PIGQ: variants seen among roughly 807,000 people sequenced by gnomAD.
PIGQ encodes phosphatidylinositol glycan anchor biosynthesis class Q, also known as phosphatidylinositol N-acetylglucosaminyltransferase subunit Q.
In PIGQ, 54 loss-of-function variants were observed where a neutral mutation model predicts 60.3. The observed-to-expected ratio is 0.90, with a 90% CI of 0.72 to 1.12. PIGQ has a LOEUF of 1.12. Among genes scored for constraint, PIGQ ranks in the 50% most tolerant of loss-of-function variants. The pLI is 0.00. For synonymous variants in PIGQ, 416 were observed against 363.7 expected (o/e 1.14, Z -1.64); for missense variants, 799 against 793.5 (o/e 1.01, Z -0.08).
intron 2 of PIGQ, 47 bp from the exon 3 acceptor site, chr16:575,792 A>T (rs2035705961): frequency 6.5e-7 from 1 of 1,536,928 alleles, no homozygotes; most frequent in East Asian, 2.4e-5. Flanking sequence ...GGACGGTGGG[A>T]GGAGGATCTG....
rs752541286 is a variant in PIGQ at position 580,970 on chromosome 16, C to A, written c.1529C>A (p.Ala510Glu). The A allele has an allele frequency of 3.0e-5, 48 of 1,597,626 alleles. No homozygotes were observed. Among genetic ancestry groups the A allele is most frequent in the Non-Finnish European group, 3.5e-5 (41 of 1,166,894 alleles). ...GLRLCRPYRL[A>E]AGVKFRVLRH... ...CGGCTCTGCCGGCCCTACAGGCTGG[C>A]GGGTAAGTGCTGCGTATTGGGCAGC... The change falls in exon 9 of 11, where the codon GCG (alanine) becomes GAG (glutamate). Residue 510 changes from alanine to glutamate, a missense_variant and splice_region_variant. Ala to Glu is a moderately radical substitution (Grantham distance 107). Transcript: ENST00000321878.
At chr16:579,965 G>A (rs1023602846) in intron 7 of PIGQ, 4 of 456,002 alleles carry the variant, frequency 8.8e-6, no homozygotes, top group Non-Finnish European at 1.6e-5. Flanking sequence ...GTCTTGGGTG[G>A]TCTGGCCCCC....
chr16:581,053 C>T (rs2035802332), intron 9 of PIGQ, 81 bp downstream of exon 9: 1 of 1,319,474 alleles, frequency 7.6e-7, no homozygotes, highest in Non-Finnish European at 1.1e-6. Context: ...GCAAGGACAG[C>T]ATGGGCCACT....
chr16:582,181 C>T (rs2035822795), intron 9 of PIGQ, 67 bp from the exon 10 acceptor site: 1 of 1,170,836 alleles, frequency 8.5e-7, no homozygotes, highest in South Asian at 1.3e-5. Context: ...AAGGTACCTG[C>T]AGCCTCTGCT....
Position 574,459 on chromosome 16 carries a change from A to T in PIGQ, c.385A>T (p.Ile129Phe). 6.2e-7 allele frequency: 1 copy of T among 1,610,902 alleles called. No homozygotes were observed. The highest frequency in any genetic ancestry group is 8.5e-7 in the Non-Finnish European group (1 of 1,179,236). ...GAPGEDQVML[I>F]FYDQRQVLLS... Reference sequence around the variant, plus strand: ...CCCTGGTGAGGACCAGGTCATGCTCATCTTCTATGACCAGCGCCAGGTGTT... The same window carrying T: ...CCCTGGTGAGGACCAGGTCATGCTCTTCTTCTATGACCAGCGCCAGGTGTT... The change falls in exon 2 of 11, where the codon ATC (isoleucine) becomes TTC (phenylalanine). Residue 129 changes from isoleucine to phenylalanine, a missense_variant. By Grantham distance (21) the Ile-to-Phe change is conservative (BLOSUM62 0). Transcript: ENST00000321878.
In PIGQ at chr16:583,238, C is replaced by T. The variant is rs144109237; in HGVS notation, c.*203C>T. 9.5e-5 allele frequency: 153 copies of T among 1,612,906 alleles called. No homozygotes were observed. The Middle Eastern group carries it at 2.5e-3, about 26-fold the overall frequency. ...TGTGGGGGTGGCCAGCCAGGCTGGC[C>T]GCACTCCATCACTGGCACTGCCTGC... is the stretch of plus-strand genomic sequence containing the variant. On this transcript the variant is annotated 3_prime_UTR_variant, in exon 11 of 11. Coordinates refer to ENST00000321878, the MANE Select transcript of PIGQ (RefSeq NM_004204.5).
chr16:576,845 T>A (rs1378622732), intron 4 of PIGQ: 2 of 242,462 alleles, frequency 8.2e-6, no homozygotes, highest in Admixed American at 1.1e-4. Flanking sequence ...CTTCTCTGTC[T>A]TCCTCCCTCA....
intron 4 of PIGQ, chr16:577,381 T>G (rs948351498): frequency 4.6e-5 from 7 of 151,582 alleles, no homozygotes; most frequent in East Asian, 1.9e-4. Context: ...ATCGAGACCA[T>G]CCTGGCTAAC....
At chr16:571,243 G>GTGTT (rs2035618957) in intron 1 of PIGQ, among the ~76,000 whole-genome samples, 1 of 147,954 alleles carries the variant, frequency 6.8e-6, no homozygotes, top group East Asian at 2.0e-4. Context: ...GTGTGTGTGT[G>GTGTT]TGTGTCTGGC....
chr16:573,131 G>A (rs1444018853), intron 1 of PIGQ, among the ~76,000 whole-genome samples: 1 of 152,214 alleles, frequency 6.6e-6, no homozygotes, highest in African/African-American at 2.4e-5. Context: ...TGAGAAAGGG[G>A]GAGGAGAGGC....
At chr16:571,561 G>A (rs1355884333) in intron 1 of PIGQ, among the ~76,000 whole-genome samples, 1 of 102,194 alleles carries the variant, frequency 9.8e-6, no homozygotes, top group African/African-American at 4.3e-5. Flanking sequence ...TGTCTGGCTA[G>A]CCTGGTGCCC....
At position 574,046 on chromosome 16, in the gene PIGQ, C is replaced by A. The variant is rs747010925; in HGVS notation, c.-9-20C>A. On this transcript the variant is annotated intron_variant, in intron 1 of 10. Coordinates refer to ENST00000321878, the MANE Select transcript of PIGQ (RefSeq NM_004204.5). ...GGGGCAGCAGCAGCTCTGAGCCGAGCCTCTCCTCTTCTCTTCCAGCCTCCC... is the reference window on the plus strand; with the variant it reads ...GGGGCAGCAGCAGCTCTGAGCCGAGACTCTCCTCTTCTCTTCCAGCCTCCC... The A allele has an allele frequency of 3.2e-6, 5 of 1,544,850 alleles. No homozygotes were observed. The highest frequency in any genetic ancestry group is 1.2e-5 in the South Asian group (1 of 85,158).
chr16:574,429 G>A lies in PIGQ; in HGVS notation c.355G>A (p.Gly119Ser), dbSNP rs146122020. The A allele has an allele frequency of 2.2e-4, 351 of 1,610,526 alleles. No homozygotes were observed. Among genetic ancestry groups the A allele is most frequent in the Non-Finnish European group, 2.8e-4 (325 of 1,179,142 alleles). ...CCACCGGCAAGCGCCCACTGCCCCC[G>A]GTGCCCCTGGTGAGGACCAGGTCAT... Reference protein sequence around the residue: ...ATHRQAPTAPGAPGEDQVMLI... With the variant: ...ATHRQAPTAPSAPGEDQVMLI... Residue 119 changes from glycine (G) to serine (S), a missense_variant, in exon 2 of 11, where the codon GGT becomes AGT. Coordinates refer to ENST00000321878, the MANE Select transcript of PIGQ (RefSeq NM_004204.5).
chr16:578,523 GGGGGCCCCA>G lies in PIGQ; in HGVS notation c.1069+22_1069+30del, dbSNP rs2035757772. ...GTGGATCAGTGAGTGCAGGGCAGGC[GGGGGCCCCA>G]GGGACCCCAGAGCTTGCTGAAGAGG... On this transcript the variant is annotated intron_variant, in intron 5 of 10. Coordinates refer to ENST00000321878, the MANE Select transcript of PIGQ (RefSeq NM_004204.5). The G allele has an allele frequency of 6.2e-7, 1 of 1,605,724 alleles. No homozygotes were observed. Among genetic ancestry groups the G allele is most frequent in the African/African-American group, 1.3e-5 (1 of 74,756 alleles).
At chr16:580,735 T>A (rs1596386923) in intron 8 of PIGQ, 123 bp from the exon 9 acceptor site, 1 of 696,972 alleles carries the variant, frequency 1.4e-6, no homozygotes. Context: ...CAGGGTGGGG[T>A]CCCTGCTCTC....
At position 583,569 on chromosome 16, in the gene PIGQ, G is replaced by C. The variant is rs757081520; in HGVS notation, c.*534G>C. Reference sequence around the variant, plus strand: ...GCTGACCCCCGTCCCCAGCGGGCCCGGGCCCTCACTCCCTGAACCACACGG... The same window carrying C: ...GCTGACCCCCGTCCCCAGCGGGCCCCGGCCCTCACTCCCTGAACCACACGG... On this transcript the variant is annotated 3_prime_UTR_variant, in exon 11 of 11. Coordinates refer to ENST00000321878, the MANE Select transcript of PIGQ (RefSeq NM_004204.5). 1.7e-5 allele frequency: 28 copies of C among 1,612,418 alleles called. No homozygotes were observed. Among genetic ancestry groups the C allele is most frequent in the Non-Finnish European group, 2.3e-5 (27 of 1,179,716 alleles).
Position 578,306 on chromosome 16 carries a change from C to G in PIGQ, c.943-73C>G, listed in dbSNP as rs1198425300. 5 of 1,512,062 alleles carry G rather than the reference C, an allele frequency of 3.3e-6. No individual in the cohort carries two copies. In the African/African-American group the frequency reaches 6.9e-5, roughly 21 times the overall value. 93.7% of individuals were successfully genotyped at this position (1,512,062 alleles called of 1,614,324 possible). On this transcript the variant is annotated intron_variant, in intron 4 of 10. Coordinates refer to ENST00000321878, the MANE Select transcript of PIGQ (RefSeq NM_004204.5). ...GGCTGGCCAAGGTGGGAGCCCATCA[C>G]GAAAGAGCCTGGGGAGATGCAGGTG...
chr16:580,482 G>A, intron 8 of PIGQ: 1 of 551,402 alleles, frequency 1.8e-6, no homozygotes, highest in Non-Finnish European at 3.2e-6. Context: ...CACGCAGCTG[G>A]GTGCGTGGTG....
intron 1 of PIGQ, among the ~76,000 whole-genome samples, chr16:571,525 G>GTGT (rs2035627935): frequency 1.3e-5 from 1 of 76,070 alleles, no homozygotes; most frequent in Non-Finnish European, 2.4e-5. Context: ...TGTGTGTCTG[G>GTGT]CTAGCCTGGC....
Sources: allele counts gnomAD v4.1 joint callset (sites outside exome capture counted in the v4.1 genomes callset), GRCh38; gene constraint gnomAD v4.1.1; transcripts MANE v1.5; gene names NCBI Gene and HGNC (gene_info 2026-07-23, HGNC 2026-07-21).